The following PGBD5 variants were observed in gnomAD, a reference collection of about 807,000 sequenced individuals.
The protein encoded by PGBD5 is piggyBac transposable element-derived protein 5.
PGBD5 carries 14 observed loss-of-function variants against 47.9 expected under a neutral mutation model. The ratio of observed to expected loss-of-function variants is 0.29; its 90% CI spans 0.19 to 0.46. The LOEUF is 0.46. PGBD5 is among the 20% of genes least tolerant of loss of function. PGBD5 has a pLI of 1.00. For synonymous variants in PGBD5, 316 were observed against 306.3 expected (o/e 1.03, Z -0.33); for missense variants, 635 against 716.0 (o/e 0.89, Z 1.29).
Position 230,322,889 on chromosome 1 carries a change from G to C in PGBD5, c.*536C>G, listed in dbSNP as rs1483809209. 1 of 154,676 alleles carries C rather than the reference G, an allele frequency of 6.5e-6. No individual in the cohort carries two copies. Among genetic ancestry groups the C allele is most frequent in the East Asian group, 1.9e-4 (1 of 5,238 alleles). 9.6% of individuals were successfully genotyped at this position (154,676 alleles called of 1,614,324 possible). On this transcript the variant is annotated 3_prime_UTR_variant, in exon 7 of 7. Coordinates refer to ENST00000391860, the MANE Select transcript of PGBD5 (RefSeq NM_001258311.2). The surrounding 1 kb of genome is among the most constrained non-coding windows in gnomAD (Gnocchi z 5.9). ...TTTCACCACTGTACACCCAGGATGT[G>C]TGTCTTCTTCTAAGAGACCGGTTCA...
chr1:230,343,446 C>T (rs1233991664), intron 3 of PGBD5, among the ~76,000 whole-genome samples: 3 of 152,156 alleles, frequency 2.0e-5, no homozygotes, highest in Non-Finnish European at 2.9e-5. Flanking sequence ...AAGTCCTATA[C>T]GGTAAAGAGG....
chr1:230,404,925 C>CA (rs57462323), intron 1 of PGBD5, among the ~76,000 whole-genome samples: 4,983 of 65,780 alleles, frequency 0.076, 153 homozygotes, highest in Non-Finnish European at 0.099. Flanking sequence ...AACTCCATCT[C>CA]AAAAAAAAAA....
In PGBD5 at chr1:230,314,819, T is replaced by A. The variant is rs1006392478; in HGVS notation, c.*8606A>T. 2.0e-5 allele frequency: 3 copies of A among 152,110 alleles called. No individual in the cohort carries two copies. The highest frequency in any genetic ancestry group is 7.2e-5 in the African/African-American group (3 of 41,414). The allele number at this position is 152,110 out of a possible 1,614,324, so 9.4% of individuals were successfully genotyped here. A position where few individuals can be genotyped will look rare whatever the true frequency, so the allele number is the denominator to read the frequency against. On this transcript the variant is annotated 3_prime_UTR_variant, in exon 7 of 7. Transcript: ENST00000391860. Reference sequence around the variant, plus strand: ...AAATTTTCTGTGAAAGATTCTTAACTGGAAATTGGAAGGGAAAACAAGAAG... The same window carrying A: ...AAATTTTCTGTGAAAGATTCTTAACAGGAAATTGGAAGGGAAAACAAGAAG...
intron 3 of PGBD5, among the ~76,000 whole-genome samples, chr1:230,346,588 C>T (rs1443389344): frequency 6.6e-6 from 1 of 152,172 alleles, no homozygotes. Context: ...CTGAGCCCTA[C>T]CTTATAAATA....
Position 230,319,820 on chromosome 1 carries a change from C to A in PGBD5, c.*3605G>T. ...GTCCCTAGTATAATGTCCCATGGAC[C>A]ACGGGAAGACGTTGTTCAAACTCGA... On this transcript the variant is annotated 3_prime_UTR_variant, in exon 7 of 7. Transcript: ENST00000391860. 6.7e-6 allele frequency: 1 copy of A among 150,002 alleles called. No homozygotes were observed. The highest frequency in any genetic ancestry group is 2.1e-4 in the South Asian group (1 of 4,676). 9.3% of individuals were successfully genotyped at this position (150,002 alleles called of 1,614,324 possible). A position where few individuals can be genotyped will look rare whatever the true frequency, so the allele number is the denominator to read the frequency against.
chr1:230,348,768 T>C (rs1667516882), intron 3 of PGBD5, among the ~76,000 whole-genome samples: 1 of 151,816 alleles, frequency 6.6e-6, no homozygotes. Flanking sequence ...GCACCTTCAG[T>C]TGGACCTAGG....
rs143359061 is a variant in PGBD5 at position 230,396,911 on chromosome 1, T to C, written c.331+28687A>G. On this transcript the variant is annotated intron_variant, in intron 1 of 6. Coordinates refer to ENST00000391860, the MANE Select transcript of PGBD5 (RefSeq NM_001258311.2). ...GTGCTATGTACAATGGCCACTCACA[T>C]TTAAAATCACGCTGGAAGTCAGAGC... 9.5e-3 allele frequency among the ~76,000 whole-genome samples: 1,442 copies of C among 152,276 alleles called. 25 individuals carry two copies. Among genetic ancestry groups the C allele is most frequent in the African/African-American group, 0.033 (1,379 of 41,546 alleles).
intron 1 of PGBD5, among the ~76,000 whole-genome samples, chr1:230,358,991 C>T (rs1667701770): frequency 6.6e-6 from 1 of 152,132 alleles, no homozygotes; most frequent in African/African-American, 2.4e-5. Flanking sequence ...TATGTAGTAA[C>T]CTAAGATACA....
In PGBD5 at chr1:230,322,509, G is replaced by A. The variant is rs1667049812; in HGVS notation, c.*916C>T. The A allele has an allele frequency of 6.5e-6, 1 of 152,712 alleles. No homozygotes were observed. The highest frequency in any genetic ancestry group is 6.5e-5 in the Admixed American group (1 of 15,304). The allele number at this position is 152,712 out of a possible 1,614,324, so 9.5% of individuals were successfully genotyped here. A position where few individuals can be genotyped will look rare whatever the true frequency, so the allele number is the denominator to read the frequency against. ...TAATTCTGCCAATGATGACATCTGC[G>A]ACAAAGCTTAGGGCCCGCGGGCTCC... On this transcript the variant is annotated 3_prime_UTR_variant, in exon 7 of 7. Coordinates refer to ENST00000391860, the MANE Select transcript of PGBD5 (RefSeq NM_001258311.2). The surrounding 1 kb of genome is among the most constrained non-coding windows in gnomAD (Gnocchi z 5.9).
chr1:230,421,157 G>A (rs1435820418), intron 1 of PGBD5, among the ~76,000 whole-genome samples: 2 of 152,082 alleles, frequency 1.3e-5, no homozygotes, highest in Non-Finnish European at 2.9e-5. Flanking sequence ...ATTAAACAGG[G>A]AGCTAGAGAA....
rs1396535049 is a variant in PGBD5, at chr1:230,322,546, G to A, written c.*879C>T. The A allele has an allele frequency of 5.2e-5, 8 of 152,696 alleles. No homozygotes were observed. The East Asian group carries it at 7.7e-4, about 15-fold the overall frequency. The allele number at this position is 152,696 out of a possible 1,614,324, so 9.5% of individuals were successfully genotyped here. ...GGCCCGCGGGCTCCCCATGCGCCTC[G>A]TGGAGAGCAACCACGTCTGTTCGGA... On this transcript the variant is annotated 3_prime_UTR_variant, in exon 7 of 7. Transcript: ENST00000391860. This position sits in a 1 kb window ranked among gnomAD's most constrained non-coding sequence, Gnocchi z 5.9.
chr1:230,417,984 A>G (rs1233861088), intron 1 of PGBD5, among the ~76,000 whole-genome samples: 2 of 152,186 alleles, frequency 1.3e-5, no homozygotes, highest in Non-Finnish European at 2.9e-5. Flanking sequence ...ACATTTGGCA[A>G]TGTCTGGAGA....
intron 1 of PGBD5, chr1:230,377,409 C>A (rs139664945): frequency 1.1e-5 from 15 of 1,364,756 alleles, no homozygotes; most frequent in African/African-American, 1.4e-5. Context: ...AAGGCAGAAG[C>A]TGTGATGATG....
chr1:230,328,923 T>C (rs1348518174), intron 5 of PGBD5, among the ~76,000 whole-genome samples: 1 of 152,022 alleles, frequency 6.6e-6, no homozygotes, highest in Non-Finnish European at 1.5e-5. Context: ...CCTTGACATG[T>C]GACAGCATTT....
intron 3 of PGBD5, among the ~76,000 whole-genome samples, chr1:230,348,796 C>T (rs1052844815): frequency 1.7e-5 from 2 of 119,544 alleles, no homozygotes; most frequent in African/African-American, 3.4e-5. Context: ...AGAGGGACTG[C>T]GGGGGCTGAG....
chr1:230,418,070 C>T (rs1032457845), intron 1 of PGBD5, among the ~76,000 whole-genome samples: 1 of 152,170 alleles, frequency 6.6e-6, no homozygotes, highest in African/African-American at 2.4e-5. Context: ...TGCTGCTGAA[C>T]GTCCTGCAGT....
At chr1:230,390,018 G>A (rs1414084891) in intron 1 of PGBD5, among the ~76,000 whole-genome samples, 1 of 152,178 alleles carries the variant, frequency 6.6e-6, no homozygotes, top group African/African-American at 2.4e-5. Flanking sequence ...CCAGAAGGTG[G>A]GAGGGTGAGA....
At chr1:230,333,211 G>T (rs7414930) in intron 4 of PGBD5, among the ~76,000 whole-genome samples, 170 bp from the exon 5 acceptor site, 62,233 of 151,786 alleles carry the variant, frequency 0.41, 14,120 homozygotes, top group Non-Finnish European at 0.48. Flanking sequence ...AAGTTTTGAG[G>T]TCTCGTATCC....
intron 5 of PGBD5, among the ~76,000 whole-genome samples, chr1:230,327,060 T>C (rs1667130729): frequency 6.6e-6 from 1 of 151,924 alleles, no homozygotes; most frequent in African/African-American, 2.4e-5. Context: ...GCCTGCCCTA[T>C]GCGCCACCCA....
Sources: gnomAD v4.1 joint callset for allele counts (sites outside exome capture counted in the v4.1 genomes callset) on GRCh38, gnomAD v4.1.1 for gene constraint, Gnocchi (gnomAD v3.1) non-coding constraint, MANE v1.5 for transcripts, NCBI Gene and HGNC (gene_info 2026-07-23, HGNC 2026-07-21) for gene names.